The following SLC35E3 variants were observed in gnomAD, a reference collection of about 807,000 sequenced individuals.
SLC35E3 encodes the protein solute carrier family 35 member E3.
Under a neutral mutation model 30.8 loss-of-function variants are expected in SLC35E3, and 28 were observed. That is an observed-to-expected ratio of 0.91 (90% CI 0.67 to 1.25). The LOEUF is 1.25. SLC35E3 is among the 50% of genes most tolerant of loss of function. SLC35E3 has a pLI of 0.00. For synonymous variants in SLC35E3, 146 were observed against 149.2 expected (o/e 0.98, Z 0.16); for missense variants, 365 against 375.4 (o/e 0.97, Z 0.23).
intron 3 of SLC35E3, among the ~76,000 whole-genome samples, chr12:68,758,238 G>A (rs1467382932): frequency 6.6e-6 from 1 of 152,134 alleles, no homozygotes; most frequent in African/African-American, 2.4e-5. Flanking sequence ...TGGCCAAGAT[G>A]GTGAAACCCA....
Position 68,766,912 on chromosome 12 carries a change from T to G in SLC35E3, c.*2022T>G. 1 of 338,838 alleles carries G rather than the reference T, an allele frequency of 3.0e-6. No individual in the cohort carries two copies. The highest frequency in any genetic ancestry group is 2.2e-5 in the South Asian group (1 of 45,660). The allele number at this position is 338,838 out of a possible 1,614,324, so 21.0% of individuals were successfully genotyped here. ...TAATTTCTTAATCCTACCTCCCTGC[T>G]TCTATTGCCTAGCCCGTACATTTGA... On this transcript the variant is annotated 3_prime_UTR_variant, in exon 5 of 5. Transcript: ENST00000398004.
chr12:68,755,620 G>A (rs560452362), intron 3 of SLC35E3, among the ~76,000 whole-genome samples: 1 of 152,282 alleles, frequency 6.6e-6, no homozygotes, highest in African/African-American at 2.4e-5. Context: ...TCTACTTCTA[G>A]TGAGGGCCTC....
chr12:68,751,478 G>A (rs1294160667), intron 2 of SLC35E3, among the ~76,000 whole-genome samples: 2 of 152,048 alleles, frequency 1.3e-5, no homozygotes, highest in Non-Finnish European at 2.9e-5. Flanking sequence ...ATTTTTAGTA[G>A]AGATAGGGTT....
intron 3 of SLC35E3, among the ~76,000 whole-genome samples, chr12:68,754,144 C>T (rs1240341770): frequency 6.6e-6 from 1 of 152,036 alleles, no homozygotes; most frequent in African/African-American, 2.4e-5. Flanking sequence ...CGTGTCCGGC[C>T]ACATCTGTTT....
At chr12:68,750,221 A>G (rs368625494) in intron 2 of SLC35E3, among the ~76,000 whole-genome samples, 1 of 152,366 alleles carries the variant, frequency 6.6e-6, no homozygotes, top group South Asian at 2.1e-4. Context: ...AGAGGAGCCC[A>G]TTTGTAGAAA....
intron 3 of SLC35E3, among the ~76,000 whole-genome samples, chr12:68,754,863 A>G (rs1010422098): frequency 2.3e-4 from 35 of 152,138 alleles, no homozygotes; most frequent in Admixed American, 1.7e-3. Context: ...CCAAGCAGCT[A>G]GGACTAATGC....
At chr12:68,757,208 C>G (rs1306164209) in intron 3 of SLC35E3, among the ~76,000 whole-genome samples, 1 of 152,180 alleles carries the variant, frequency 6.6e-6, no homozygotes, top group Non-Finnish European at 1.5e-5. Flanking sequence ...AAAGCATTCC[C>G]TCTGAGAACT....
chr12:68,747,293 G>C (rs1201697790), intron 1 of SLC35E3, among the ~76,000 whole-genome samples: 2 of 150,792 alleles, frequency 1.3e-5, no homozygotes, highest in African/African-American at 4.9e-5. Context: ...TTTTGAGACG[G>C]AATTTCACTC....
intron 4 of SLC35E3, among the ~76,000 whole-genome samples, chr12:68,759,630 G>C (rs1879172485): frequency 1.3e-5 from 2 of 151,978 alleles, no homozygotes; most frequent in Non-Finnish European, 2.9e-5. Context: ...CTTGAACTGG[G>C]GAGTCGGAGG....
At chr12:68,755,712 G>A (rs1455438450) in intron 3 of SLC35E3, among the ~76,000 whole-genome samples, 1 of 151,990 alleles carries the variant, frequency 6.6e-6, no homozygotes, top group Non-Finnish European at 1.5e-5. Flanking sequence ...AGAGAGGGGA[G>A]GAAATGCCAG....
At position 68,765,717 on chromosome 12, in the gene SLC35E3, T is replaced by C. The variant is rs1879387073; in HGVS notation, c.*827T>C. On this transcript the variant is annotated 3_prime_UTR_variant, in exon 5 of 5. Coordinates refer to ENST00000398004, the MANE Select transcript of SLC35E3 (RefSeq NM_018656.5). ...ACATGTGTATATATATACCATCCCA[T>C]ATATATGTGGGATATATATATATAT... The C allele has an allele frequency of 6.7e-6, 1 of 150,016 alleles. No individual in the cohort carries two copies. The highest frequency in any genetic ancestry group is 6.7e-5 in the Admixed American group (1 of 14,940). 9.3% of individuals were successfully genotyped at this position (150,016 alleles called of 1,614,324 possible). A position where few individuals can be genotyped will look rare whatever the true frequency, so the allele number is the denominator to read the frequency against.
At chr12:68,758,079 G>A (rs1198283182) in intron 3 of SLC35E3, among the ~76,000 whole-genome samples, 2 of 148,516 alleles carry the variant, frequency 1.3e-5, no homozygotes, top group African/African-American at 2.5e-5. Flanking sequence ...GCGACAGAAT[G>A]AGACTCCATC....
In SLC35E3 at chr12:68,772,361, T is replaced by C. The variant is rs1045475896; in HGVS notation, c.*7471T>C. The C allele has an allele frequency of 6.6e-6, 1 of 152,126 alleles. No individual in the cohort carries two copies. The highest frequency in any genetic ancestry group is 2.4e-5 in the African/African-American group (1 of 41,442). 9.4% of individuals were successfully genotyped at this position (152,126 alleles called of 1,614,324 possible). ...CCTGTTTGACCTTTATAAGATCAAT[T>C]TTTTTGTTCACAAGCATTTCTTTAC... On this transcript the variant is annotated 3_prime_UTR_variant, in exon 5 of 5. Coordinates refer to ENST00000398004, the MANE Select transcript of SLC35E3 (RefSeq NM_018656.5).
rs1879394455 is a variant in SLC35E3, at chr12:68,765,866, C to A, written c.*976C>A. On this transcript the variant is annotated 3_prime_UTR_variant, in exon 5 of 5. Transcript: ENST00000398004. ...CTGTACTGCAAATATGCTGTGGGTT[C>A]TCGGTGTTCAAACTCTTCTAAGGAA... 6.6e-6 allele frequency: 1 copy of A among 151,264 alleles called. No homozygotes were observed. Among genetic ancestry groups the A allele is most frequent in the Non-Finnish European group, 1.5e-5 (1 of 67,902 alleles). The allele number at this position is 151,264 out of a possible 1,614,324, so 9.4% of individuals were successfully genotyped here.
intron 3 of SLC35E3, 111 bp downstream of exon 3, chr12:68,752,301 C>A: frequency 9.5e-7 from 1 of 1,054,466 alleles, no homozygotes; most frequent in Non-Finnish European, 1.4e-6. Context: ...TCACATTTAT[C>A]GTCATAATCA....
At chr12:68,763,985 G>A (rs922586514) in intron 4 of SLC35E3, among the ~76,000 whole-genome samples, 2 of 152,046 alleles carry the variant, frequency 1.3e-5, no homozygotes, top group African/African-American at 4.8e-5. Context: ...CATGTAAATC[G>A]CCCAGCATGA....
At chr12:68,763,395 GTC>G in intron 4 of SLC35E3, among the ~76,000 whole-genome samples, 1 of 151,264 alleles carries the variant, frequency 6.6e-6, no homozygotes, top group East Asian at 2.0e-4. Context: ...CTGTGTCTGT[GTC>G]TGTGTCTGTG....
At chr12:68,757,696 T>C (rs1406697825) in intron 3 of SLC35E3, among the ~76,000 whole-genome samples, 1 of 152,228 alleles carries the variant, frequency 6.6e-6, no homozygotes, top group Non-Finnish European at 1.5e-5. Flanking sequence ...AAGTAGTTTC[T>C]AAGCTCTTTG....
Position 68,753,834 on chromosome 12 carries a change from A to ACACC in SLC35E3, c.672+1645_672+1646insACCC, listed in dbSNP as rs762941770. ...TACACACACACACACACACACACAC[A>ACACC]CCCCAATTAAACATCTATTTCTTTT... On this transcript the variant is annotated intron_variant, in intron 3 of 4. Transcript: ENST00000398004. Among the ~76,000 whole-genome samples, 1,033 of 148,038 alleles carry ACACC rather than the reference A, an allele frequency of 7.0e-3. 11 individuals are homozygous for ACACC. Among genetic ancestry groups the ACACC allele is most frequent in the African/African-American group, 0.024 (965 of 40,194 alleles).
Sources: gnomAD v4.1 joint callset for allele counts (sites outside exome capture counted in the v4.1 genomes callset) on GRCh38, gnomAD v4.1.1 for gene constraint, MANE v1.5 for transcripts, NCBI Gene and HGNC (gene_info 2026-07-23, HGNC 2026-07-21) for gene names.